Variants in NRXN3 observed in about 807,000 individuals in gnomAD.
The protein encoded by NRXN3 is neurexin III.
A neutral mutation model predicts 137.6 loss-of-function variants in NRXN3; 32 were observed. The ratio of observed to expected loss-of-function variants is 0.23; its 90% CI spans 0.18 to 0.31. The LOEUF is 0.31. Among genes scored for constraint, NRXN3 ranks in the 10% least tolerant of loss-of-function variants. The probability of loss-of-function intolerance (pLI) is 1.00; values close to 1 mark genes in which losing one functional copy is unlikely to be tolerated. For synonymous variants in NRXN3, 798 were observed against 784.5 expected (o/e 1.02, Z -0.29); for missense variants, 1,574 against 2,062.5 (o/e 0.76, Z 4.59).
intron 6 of NRXN3, among the ~76,000 whole-genome samples, chr14:78,666,576 G>A (rs1293274006): frequency 1.3e-5 from 2 of 152,130 alleles, no homozygotes; most frequent in African/African-American, 4.8e-5. Flanking sequence ...AGTGAGATGT[G>A]ATCTTTCTTT....
At chr14:79,207,196 C>T (rs2066908755) in intron 15 of NRXN3, among the ~76,000 whole-genome samples, 1 of 152,182 alleles carries the variant, frequency 6.6e-6, no homozygotes, top group African/African-American at 2.4e-5. Context: ...TTACGGTTCT[C>T]AGTACATAAG....
intron 4 of NRXN3, among the ~76,000 whole-genome samples, chr14:78,315,113 G>A (rs1343941533): frequency 6.6e-6 from 1 of 151,574 alleles, no homozygotes; most frequent in Admixed American, 6.6e-5. Context: ...TTGGGTTCAA[G>A]CAATTCTTCT....
In NRXN3 at chr14:79,861,430, C is replaced by T; in HGVS notation, c.4182C>T (p.Val1394=). 6.5e-7 allele frequency: 1 copy of T among 1,536,438 alleles called. No individual in the cohort carries two copies. Among genetic ancestry groups the T allele is most frequent in the Non-Finnish European group, 8.7e-7 (1 of 1,146,984 alleles). The change falls in exon 21 of 21, where the codon GTC becomes GTT. Residue 1394 remains valine (V), a synonymous_variant. Transcript: ENST00000335750. The surrounding 1 kb of genome is among the most constrained non-coding windows in gnomAD (Gnocchi z 5.4). The stretch of plus-strand genomic sequence containing the variant: ...CCAAGGACTTTAGACCTAACAAAGT[C>T]TCCGAAACTAGTAGGACTACTACCA... The part of the protein sequence containing the change: ...WESKDFRPNK[V]SETSRTTTTS...
intron 15 of NRXN3, among the ~76,000 whole-genome samples, chr14:79,331,060 GTTTCC>G (rs2091620704): frequency 6.6e-6 from 1 of 152,166 alleles, no homozygotes; most frequent in Non-Finnish European, 1.5e-5. Flanking sequence ...CTGATTGACT[GTTTCC>G]TTTACAGATG....
At chr14:79,123,191 A>G (rs2055759088) in intron 15 of NRXN3, among the ~76,000 whole-genome samples, 1 of 152,014 alleles carries the variant, frequency 6.6e-6, no homozygotes, top group Admixed American at 6.5e-5. Context: ...AGCTACAATG[A>G]AATGATTTTC....
At chr14:79,779,318 G>T (rs1300153387) in intron 19 of NRXN3, among the ~76,000 whole-genome samples, 6 of 151,972 alleles carry the variant, frequency 3.9e-5, no homozygotes, top group African/African-American at 1.5e-4. Flanking sequence ...TCTCCATGTT[G>T]GTCAGGCTGG....
At chr14:78,186,689 A>G (rs910012957) in intron 1 of NRXN3, among the ~76,000 whole-genome samples, 4 of 152,204 alleles carry the variant, frequency 2.6e-5, no homozygotes, top group African/African-American at 7.2e-5. Context: ...CTGAGCTGGC[A>G]AAAGAGGGCT....
intron 8 of NRXN3, among the ~76,000 whole-genome samples, chr14:78,798,860 C>T (rs2098830362): frequency 6.6e-6 from 1 of 152,254 alleles, no homozygotes; most frequent in African/African-American, 2.4e-5. Flanking sequence ...TGAGCTCTAC[C>T]TTGGCCCCTT....
At chr14:79,800,720 T>A (rs889380589) in intron 19 of NRXN3, among the ~76,000 whole-genome samples, 1 of 152,134 alleles carries the variant, frequency 6.6e-6, no homozygotes, top group African/African-American at 2.4e-5. Flanking sequence ...CAACATCAGA[T>A]CCTGCATTTG....
intron 6 of NRXN3, among the ~76,000 whole-genome samples, chr14:78,667,483 T>G (rs1398068780): frequency 6.6e-6 from 1 of 152,158 alleles, no homozygotes; most frequent in Non-Finnish European, 1.5e-5. Context: ...GAAAACAGAG[T>G]TTTTGTAGTT....
At chr14:79,429,426 C>T (rs1025990377) in intron 15 of NRXN3, among the ~76,000 whole-genome samples, 2 of 152,202 alleles carry the variant, frequency 1.3e-5, no homozygotes, top group African/African-American at 2.4e-5. Flanking sequence ...GGCCAAATTT[C>T]TTAACCTGTT....
rs556483430 is a variant in NRXN3 at position 79,151,558 on chromosome 14, G to A, written c.3262+163417G>A. 3.9e-5 allele frequency among the ~76,000 whole-genome samples: 6 copies of A among 152,140 alleles called. No homozygotes were observed. In the South Asian group the frequency reaches 1.0e-3, roughly 26 times the overall value. On this transcript the variant is annotated intron_variant, in intron 15 of 20. Transcript: ENST00000335750. ...GGTCCTTGGACTTGGTGCTGTCCTGGAAACTGGATTCATTGCTCAAGGAGC... is the reference window on the plus strand; with the variant it reads ...GGTCCTTGGACTTGGTGCTGTCCTGAAAACTGGATTCATTGCTCAAGGAGC...
intron 4 of NRXN3, among the ~76,000 whole-genome samples, chr14:78,573,792 G>C (rs950388558): frequency 1.3e-5 from 2 of 152,220 alleles, no homozygotes; most frequent in Non-Finnish European, 2.9e-5. Flanking sequence ...CCCATTTTCT[G>C]AGGAAAAGTT....
At chr14:79,261,479 G>A (rs1046028170) in intron 15 of NRXN3, among the ~76,000 whole-genome samples, 123 of 152,126 alleles carry the variant, frequency 8.1e-4, no homozygotes, top group African/African-American at 2.8e-3. Flanking sequence ...ACGTCTCATG[G>A]AAGAGGAGGC....
intron 15 of NRXN3, among the ~76,000 whole-genome samples, chr14:79,375,417 C>T (rs1031175120): frequency 2.6e-5 from 4 of 151,772 alleles, no homozygotes; most frequent in African/African-American, 4.8e-5. Flanking sequence ...CGTACATGCT[C>T]ATGCACTGTC....
At chr14:78,860,606 T>C (rs2099069835) in intron 10 of NRXN3, among the ~76,000 whole-genome samples, 2 of 152,158 alleles carry the variant, frequency 1.3e-5, no homozygotes, top group African/African-American at 4.8e-5. Flanking sequence ...AAAAGAAGTG[T>C]ATTTTGTATA....
intron 15 of NRXN3, among the ~76,000 whole-genome samples, chr14:79,072,887 T>TC (rs1358679979): frequency 1.3e-3 from 58 of 43,904 alleles, no homozygotes; most frequent in South Asian, 3.9e-3. Flanking sequence ...TCTCTCTCTC[T>TC]TTTTTTTTTT....
intron 16 of NRXN3, among the ~76,000 whole-genome samples, chr14:79,610,209 C>A (rs2098082195): frequency 6.6e-6 from 1 of 151,780 alleles, no homozygotes; most frequent in South Asian, 2.1e-4. Flanking sequence ...AAAATCAAAA[C>A]AAAATAAAGA....
At chr14:78,472,718 C>T (rs1473624686) in intron 4 of NRXN3, among the ~76,000 whole-genome samples, 1 of 152,030 alleles carries the variant, frequency 6.6e-6, no homozygotes, top group Non-Finnish European at 1.5e-5. Context: ...CCACACTGTC[C>T]TCTAAAAGAA....
Sources: gnomAD v4.1 joint callset for allele counts (sites outside exome capture counted in the v4.1 genomes callset) on GRCh38, gnomAD v4.1.1 for gene constraint, Gnocchi (gnomAD v3.1) non-coding constraint, MANE v1.5 for transcripts, NCBI Gene and HGNC (gene_info 2026-07-23, HGNC 2026-07-21) for gene names.